LRRIQ3: variants seen among roughly 807,000 people sequenced by gnomAD.
LRRIQ3 encodes leucine rich repeats and IQ motif containing 3.
A neutral mutation model predicts 59.3 loss-of-function variants in LRRIQ3; 75 were observed. That is an observed-to-expected ratio of 1.26 (90% CI 1.05 to 1.53). The LOEUF (loss-of-function observed/expected upper bound fraction) is 1.53. Ranked by LOEUF, LRRIQ3 falls within the 40% of genes most tolerant of loss-of-function variation. LRRIQ3 has a pLI of 0.00. For missense variants in LRRIQ3, 831 were observed against 710.0 expected, an observed-to-expected ratio of 1.17 and a Z score of -1.94; for synonymous variants, 250 against 231.3, an observed-to-expected ratio of 1.08 and a Z score of -0.73.
chr1:74,117,755 G>A (rs967370450), intron 4 of LRRIQ3, among the ~76,000 whole-genome samples: 2 of 152,090 alleles, frequency 1.3e-5, no homozygotes, highest in Non-Finnish European at 2.9e-5. Context: ...GACAGAGCAA[G>A]TTTGTCTCAA....
intron 7 of LRRIQ3, among the ~76,000 whole-genome samples, chr1:74,031,479 G>A (rs1050784229): frequency 4.6e-5 from 7 of 152,004 alleles, no homozygotes; most frequent in African/African-American, 1.7e-4. Context: ...GGATGAAGCT[G>A]GAAACCATCA....
intron 6 of LRRIQ3, among the ~76,000 whole-genome samples, chr1:74,073,999 TA>T (rs1335434474): frequency 2.0e-5 from 3 of 152,116 alleles, no homozygotes; most frequent in Admixed American, 2.0e-4. Flanking sequence ...CAAAAATGAT[TA>T]TGACCAAAGT....
In LRRIQ3 at chr1:74,119,927, A is replaced by G. The variant is rs756543468; in HGVS notation, c.708-10374T>C. On this transcript the variant is annotated intron_variant, in intron 4 of 7. Transcript: ENST00000354431. ...TTTCCTTCTCTGGAACTTTAAAAGCATATTTCCCAGTATCTCTACAAAAAC... is the reference window on the plus strand; with the variant it reads ...TTTCCTTCTCTGGAACTTTAAAAGCGTATTTCCCAGTATCTCTACAAAAAC... Among the ~76,000 whole-genome samples the G allele has an allele frequency of 6.6e-5, 10 of 152,274 alleles. No homozygotes were observed. The South Asian group carries it at 1.0e-3, about 16-fold the overall frequency.
chr1:74,051,827 T>G (rs889658715), intron 6 of LRRIQ3, among the ~76,000 whole-genome samples: 1 of 152,126 alleles, frequency 6.6e-6, no homozygotes. Flanking sequence ...CTTTTAAAAT[T>G]TGCCTTTTAT....
chr1:74,179,245 C>T (rs1023888173), intron 3 of LRRIQ3, among the ~76,000 whole-genome samples: 2 of 151,844 alleles, frequency 1.3e-5, no homozygotes, highest in Non-Finnish European at 2.9e-5. Flanking sequence ...ACTTTGATTT[C>T]GTATAGCAAA....
At chr1:74,087,298 C>T (rs1229749527) in intron 5 of LRRIQ3, among the ~76,000 whole-genome samples, 3 of 151,212 alleles carry the variant, frequency 2.0e-5, no homozygotes, top group African/African-American at 7.3e-5. Context: ...CTAATTCTCA[C>T]TTCCACAGTT....
At chr1:74,117,856 C>A (rs1400907547) in intron 4 of LRRIQ3, among the ~76,000 whole-genome samples, 1 of 151,684 alleles carries the variant, frequency 6.6e-6, no homozygotes, top group Admixed American at 6.6e-5. Context: ...ATTGACCTGG[C>A]AAATCAAATT....
At chr1:74,168,484 ATTAGT>A (rs1264562740) in intron 3 of LRRIQ3, among the ~76,000 whole-genome samples, 2 of 152,046 alleles carry the variant, frequency 1.3e-5, no homozygotes, top group Non-Finnish European at 2.9e-5. Context: ...TCTATTTGAA[ATTAGT>A]TTATTGTTAA....
At chr1:74,095,439 T>G (rs1199509597) in intron 5 of LRRIQ3, among the ~76,000 whole-genome samples, 1 of 152,180 alleles carries the variant, frequency 6.6e-6, no homozygotes, top group Non-Finnish European at 1.5e-5. Context: ...TGTCTCTACA[T>G]ACATATCCAT....
At chr1:74,133,777 G>C (rs1380823542) in intron 4 of LRRIQ3, among the ~76,000 whole-genome samples, 1 of 151,886 alleles carries the variant, frequency 6.6e-6, no homozygotes, top group African/African-American at 2.4e-5. Flanking sequence ...GAGTTAATGG[G>C]TGCAGCACAC....
At chr1:74,087,928 C>A (rs1183251341) in intron 5 of LRRIQ3, among the ~76,000 whole-genome samples, 1 of 151,828 alleles carries the variant, frequency 6.6e-6, no homozygotes, top group African/African-American at 2.4e-5. Flanking sequence ...GAAACCCTGT[C>A]TCTACTAAAA....
At chr1:74,060,905 C>A (rs772594667) in intron 6 of LRRIQ3, among the ~76,000 whole-genome samples, 4 of 152,006 alleles carry the variant, frequency 2.6e-5, no homozygotes, top group Admixed American at 6.6e-5. Flanking sequence ...ATTTTGACCC[C>A]CAGTGACTTC....
chr1:74,156,580 T>C (rs1648341706), intron 3 of LRRIQ3, among the ~76,000 whole-genome samples: 1 of 152,268 alleles, frequency 6.6e-6, no homozygotes, highest in South Asian at 2.1e-4. Flanking sequence ...ATCATTCTGC[T>C]CTCTAAATGG....
At chr1:74,076,263 T>C (rs1646208625) in intron 5 of LRRIQ3, among the ~76,000 whole-genome samples, 1 of 152,164 alleles carries the variant, frequency 6.6e-6, no homozygotes. Context: ...TCCATAGATC[T>C]TTCTGAGATC....
At chr1:74,130,735 T>C (rs990085304) in intron 4 of LRRIQ3, among the ~76,000 whole-genome samples, 8 of 152,096 alleles carry the variant, frequency 5.3e-5, no homozygotes, top group African/African-American at 1.9e-4. Flanking sequence ...GGTATTGTTG[T>C]TTGTTTTTAA....
chr1:74,128,154 C>G (rs956631972), intron 4 of LRRIQ3, among the ~76,000 whole-genome samples: 15 of 151,880 alleles, frequency 9.9e-5, no homozygotes, highest in Admixed American at 3.3e-4. Flanking sequence ...TTTTCTTTAT[C>G]TTTGACTTTT....
At chr1:74,070,968 T>G (rs1238384326) in intron 6 of LRRIQ3, among the ~76,000 whole-genome samples, 2 of 48,940 alleles carry the variant, frequency 4.1e-5, no homozygotes, top group South Asian at 2.1e-3. Flanking sequence ...TAAAGATTAT[T>G]TATATATATC....
intron 4 of LRRIQ3, among the ~76,000 whole-genome samples, chr1:74,123,030 A>G (rs1015451773): frequency 1.3e-5 from 2 of 152,154 alleles, no homozygotes; most frequent in African/African-American, 4.8e-5. Flanking sequence ...CTTTTGAGAG[A>G]ATAAACATTT....
intron 4 of LRRIQ3, among the ~76,000 whole-genome samples, chr1:74,139,481 A>C (rs560175817): frequency 1.3e-5 from 2 of 152,036 alleles, no homozygotes; most frequent in African/African-American, 4.8e-5. Flanking sequence ...TTGTACCCAT[A>C]AATACCTTTA....
Sources: allele counts gnomAD v4.1 joint callset (sites outside exome capture counted in the v4.1 genomes callset), GRCh38; gene constraint gnomAD v4.1.1; transcripts MANE v1.5; gene names NCBI Gene and HGNC (gene_info 2026-07-23, HGNC 2026-07-21).